The following GNAS variants were observed in gnomAD, a reference collection of about 807,000 sequenced individuals.
The protein encoded by GNAS is GNAS complex locus, also known as protein ALEX.
In GNAS, 8 loss-of-function variants were observed where a neutral mutation model predicts 54.5. The ratio of observed to expected loss-of-function variants is 0.15; its 90% confidence interval spans 0.09 to 0.26. The LOEUF (loss-of-function observed/expected upper bound fraction) is 0.26. Among genes scored for constraint, GNAS ranks in the 10% least tolerant of loss-of-function variants. The pLI is 1.00. For missense variants in GNAS, 170 were observed against 529.8 expected, an observed-to-expected ratio of 0.32 and a Z score of 6.67; for synonymous variants, 204 against 191.4, an observed-to-expected ratio of 1.07 and a Z score of -0.54.
intron 3 of GNAS, chr20:58,903,254 G>C (rs1366587115): frequency 1.8e-6 from 1 of 542,824 alleles, no homozygotes; most frequent in African/African-American, 1.9e-5. Context: ...TCAAACCCAT[G>C]AAAGATTAAA....
At chr20:58,904,278 C>A (rs1361957651) in intron 5 of GNAS, among the ~76,000 whole-genome samples, 1 of 152,032 alleles carries the variant, frequency 6.6e-6, no homozygotes, top group Non-Finnish European at 1.5e-5. Flanking sequence ...AAATGGAAGA[C>A]ATTCTCATTT....
rs1446710014 is a variant in GNAS, at chr20:58,884,539, TAA to T, written c.44-11071_44-11070del. 4 of 152,380 alleles carry T rather than the reference TAA, an allele frequency of 2.6e-5. 1 individual carries two copies. Among genetic ancestry groups the T allele is most frequent in the South Asian group, 4.1e-4 (2 of 4,830 alleles). The allele number at this position is 152,380 out of a possible 1,614,324, so 9.4% of individuals were successfully genotyped here. On this transcript the variant is annotated intron_variant, in intron 1 of 12. Transcript: ENST00000306090. ...TAAGATGTTGGATCAAAGTGTCATT[TAA>T]ATAAGGCATCTTGTAAATAAGCAGG...
chr20:58,909,517 C>A lies in GNAS; in HGVS notation c.660-4C>A, dbSNP rs2091300234. 1 of 1,613,992 alleles carries A rather than the reference C, an allele frequency of 6.2e-7. No individual in the cohort carries two copies. The highest frequency in any genetic ancestry group is 1.3e-5 in the African/African-American group (1 of 74,916). ...GAATAACCAGCTGTCCTCCTCCCCA[C>A]CAGCATGTTTGACGTGGGTGGCCAG... On this transcript the variant is annotated splice_polypyrimidine_tract_variant and splice_region_variant and intron_variant, in intron 8 of 12. Coordinates refer to ENST00000371085, the MANE Select transcript of GNAS (RefSeq NM_000516.7). This position sits in a 1 kb window ranked among gnomAD's most constrained non-coding sequence, Gnocchi z 7.3.
rs1600705578 is a variant in GNAS, at chr20:58,853,685, G to T, written c.43+12799G>T. On this transcript the variant is annotated intron_variant, in intron 1 of 12. Coordinates refer to the GNAS transcript ENST00000306090. This position sits in a 1 kb window ranked among gnomAD's most constrained non-coding sequence, Gnocchi z 4.4. Reference sequence around the variant, plus strand: ...AGGCCTTCGGCCCAGCACTCATGGAGCCCGGAGCCTTCAGTGGTGCCAGAC... The same window carrying T: ...AGGCCTTCGGCCCAGCACTCATGGATCCCGGAGCCTTCAGTGGTGCCAGAC... The T allele has an allele frequency of 6.2e-7, 1 of 1,613,718 alleles. No individual in the cohort carries two copies. Among genetic ancestry groups the T allele is most frequent in the East Asian group, 2.2e-5 (1 of 44,882 alleles).
Position 58,840,928 on chromosome 20 carries a change from TG to T in GNAS, c.43+45del. On this transcript the variant is annotated intron_variant, in intron 1 of 12. Coordinates refer to the GNAS transcript ENST00000306090. This position sits in a 1 kb window ranked among gnomAD's most constrained non-coding sequence, Gnocchi z 6.0. ...TAAACTGGGGAGCCTGAGGGCGGTG[TG>T]GGAGCAGCGCAGGTGGAAAGGAGGT... 1 of 1,604,832 alleles carries T rather than the reference TG, an allele frequency of 6.2e-7. No individual in the cohort carries two copies. Among genetic ancestry groups the T allele is most frequent in the Non-Finnish European group, 8.5e-7 (1 of 1,175,160 alleles).
chr20:58,888,974 CCGCGCCCCCGGCCCA>C (rs2088816092), upstream of GNAS: 2 of 719,680 alleles, frequency 2.8e-6, no homozygotes, highest in South Asian at 6.1e-5. Context: ...ATCGCGGCCC[CCGCGCCCCCGGCCCA>C]CGCCCGCGCG....
At position 58,909,134 on chromosome 20, in the gene GNAS, A is replaced by AC; in HGVS notation, c.531-24dup. Reference sequence around the variant, plus strand: ...GCAAATTGATGTGAGCGCTGTGAACACCCCACGTGTCTTTCTTTTTCTCCC... The same window carrying AC: ...GCAAATTGATGTGAGCGCTGTGAACACCCCCACGTGTCTTTCTTTTTCTCCC... On this transcript the variant is annotated intron_variant, in intron 6 of 12. Transcript: ENST00000371085. The surrounding 1 kb of genome is among the most constrained non-coding windows in gnomAD (Gnocchi z 7.3). The AC allele has an allele frequency of 6.2e-7, 1 of 1,605,020 alleles. No individual in the cohort carries two copies. Among genetic ancestry groups the AC allele is most frequent in the Non-Finnish European group, 8.5e-7 (1 of 1,171,810 alleles).
At chr20:58,865,513 A>G (rs1321248606) in intron 1 of GNAS, among the ~76,000 whole-genome samples, 3 of 147,730 alleles carry the variant, frequency 2.0e-5, no homozygotes, top group Non-Finnish European at 4.5e-5. Flanking sequence ...ATATATACAT[A>G]TATAATATAT....
At chr20:58,892,949 C>T (rs1339227772) in intron 1 of GNAS, among the ~76,000 whole-genome samples, 1 of 142,700 alleles carries the variant, frequency 7.0e-6, no homozygotes. Flanking sequence ...TTCCTGCTGG[C>T]TGGCCACATT....
chr20:58,893,274 G>T (rs568266344), intron 1 of GNAS, among the ~76,000 whole-genome samples: 1 of 151,888 alleles, frequency 6.6e-6, no homozygotes, highest in South Asian at 2.1e-4. Context: ...ATAAAAAAAG[G>T]TTAACTATAA....
chr20:58,847,406 A>G (rs1338104119), intron 1 of GNAS, among the ~76,000 whole-genome samples: 1 of 152,250 alleles, frequency 6.6e-6, no homozygotes, highest in Non-Finnish European at 1.5e-5. Flanking sequence ...CGGGCAGAGG[A>G]GAGTCTGAAG....
intron 1 of GNAS, chr20:58,867,513 A>T (rs1258340943): frequency 6.6e-6 from 1 of 152,308 alleles, no homozygotes. Flanking sequence ...GTCTTCTACC[A>T]TAGGTCTGAT....
Position 58,911,085 on chromosome 20 carries a change from A to C in GNAS, c.*256A>C. ...TCTCACTTTCAGTAAAAATAAATAAAACAGCAGCAGCAAACAAATAAAATG... is the reference window on the plus strand; with the variant it reads ...TCTCACTTTCAGTAAAAATAAATAACACAGCAGCAGCAAACAAATAAAATG... On this transcript the variant is annotated 3_prime_UTR_variant, in exon 13 of 13. Coordinates refer to ENST00000371085, the MANE Select transcript of GNAS (RefSeq NM_000516.7). 1 of 631,710 alleles carries C rather than the reference A, an allele frequency of 1.6e-6. No individual in the cohort carries two copies. 39.1% of individuals were successfully genotyped at this position (631,710 alleles called of 1,614,324 possible).
At chr20:58,889,457 C>G, upstream of GNAS, 1 of 649,082 alleles carries the variant, frequency 1.5e-6, no homozygotes, top group Non-Finnish European at 1.9e-6. Context: ...GCGCCGCTGC[C>G]TTGCCCCGGG....
At chr20:58,884,445 A>G (rs1290693166) in intron 1 of GNAS, 1 of 152,206 alleles carries the variant, frequency 6.6e-6, no homozygotes, top group African/African-American at 2.4e-5. Flanking sequence ...AGGCCTCCTG[A>G]CTGGGCTCAA....
upstream of GNAS, chr20:58,839,875 C>T: frequency 3.3e-6 from 2 of 597,744 alleles, no homozygotes; most frequent in Non-Finnish European, 6.0e-6. Context: ...TTTTCCCATC[C>T]CTTCTTCTTG....
upstream of GNAS, chr20:58,889,627 C>T (rs1212030023): frequency 1.3e-5 from 2 of 152,328 alleles, no homozygotes; most frequent in Non-Finnish European, 2.9e-5. Flanking sequence ...TGGTTTCTCG[C>T]TGTTGTTGGG....
intron 1 of GNAS, chr20:58,855,210 C>G: frequency 6.3e-7 from 1 of 1,599,910 alleles, no homozygotes. Context: ...CAGACAGATG[C>G]GCAAAGAAGC....
intron 1 of GNAS, among the ~76,000 whole-genome samples, chr20:58,868,313 C>G (rs991466963): frequency 6.6e-6 from 1 of 152,122 alleles, no homozygotes; most frequent in Non-Finnish European, 1.5e-5. Flanking sequence ...GCCACCGTGC[C>G]CTGCCAATAT....
Sources: gnomAD v4.1 joint callset for allele counts (sites outside exome capture counted in the v4.1 genomes callset) on GRCh38, gnomAD v4.1.1 for gene constraint, Gnocchi (gnomAD v3.1) non-coding constraint, MANE v1.5 for transcripts, NCBI Gene and HGNC (gene_info 2026-07-23, HGNC 2026-07-21) for gene names.